Variants in PTPRG observed in about 807,000 individuals in gnomAD.
PTPRG encodes the protein protein tyrosine phosphatase receptor type G, also known as receptor-type tyrosine-protein phosphatase gamma.
Under a neutral mutation model 165.3 loss-of-function variants are expected in PTPRG, and 102 were observed. That is an observed-to-expected ratio of 0.62 (90% CI 0.53 to 0.73). The LOEUF (loss-of-function observed/expected upper bound fraction) is 0.73. Among genes scored for constraint, PTPRG ranks in the 30% least tolerant of loss-of-function variants. The pLI is 0.00. For synonymous variants in PTPRG, 675 were observed against 669.5 expected (o/e 1.01, Z -0.13); for missense variants, 1,866 against 1,861.4 (o/e 1.00, Z -0.05).
intron 5 of PTPRG, among the ~76,000 whole-genome samples, chr3:62,112,666 A>T (rs1471782120): frequency 6.6e-6 from 1 of 152,218 alleles, no homozygotes; most frequent in African/African-American, 2.4e-5. Flanking sequence ...TGGGCATTAG[A>T]GGCAGGGACT....
chr3:61,999,235 C>T (rs1459642819), intron 3 of PTPRG, among the ~76,000 whole-genome samples: 4 of 152,220 alleles, frequency 2.6e-5, no homozygotes, highest in East Asian at 1.9e-4. Context: ...TTAGTAGAGA[C>T]GTGATTTCAC....
At chr3:61,691,035 A>C (rs1217481300) in intron 1 of PTPRG, among the ~76,000 whole-genome samples, 1 of 152,212 alleles carries the variant, frequency 6.6e-6, no homozygotes. Flanking sequence ...GCACGCCATC[A>C]ATGTGGAATA....
intron 12 of PTPRG, among the ~76,000 whole-genome samples, chr3:62,216,846 G>A (rs1480622295): frequency 2.6e-5 from 4 of 152,114 alleles, no homozygotes; most frequent in Non-Finnish European, 5.9e-5. Context: ...AACTCCCACT[G>A]ATTTGATGGT....
chr3:61,929,327 T>A (rs2039302749), intron 2 of PTPRG, among the ~76,000 whole-genome samples: 1 of 150,490 alleles, frequency 6.6e-6, no homozygotes. Context: ...TACTGAAGAA[T>A]TATGTTTAAA....
intron 6 of PTPRG, among the ~76,000 whole-genome samples, chr3:62,156,753 AT>A (rs561001835): frequency 3.5e-4 from 54 of 152,272 alleles, no homozygotes; most frequent in African/African-American, 9.4e-4. Flanking sequence ...CTTCTCAGAG[AT>A]TTTGGTATGC....
In PTPRG at chr3:61,652,683, C is replaced by T. The variant is rs188931405; in HGVS notation, c.85+90311C>T. 2.6e-5 allele frequency among the ~76,000 whole-genome samples: 4 copies of T among 152,314 alleles called. No individual in the cohort carries two copies. In the East Asian group the frequency reaches 7.7e-4, roughly 29 times the overall value. On this transcript the variant is annotated intron_variant, in intron 1 of 29. Coordinates refer to ENST00000474889, the MANE Select transcript of PTPRG (RefSeq NM_002841.4). Reference sequence around the variant, plus strand: ...TTTAAACAGGGATTCTCAACCTTAGCACTAGTGGTATTTTTGGGCCCCGAT... The same window carrying T: ...TTTAAACAGGGATTCTCAACCTTAGTACTAGTGGTATTTTTGGGCCCCGAT...
intron 15 of PTPRG, among the ~76,000 whole-genome samples, chr3:62,248,544 C>G (rs1390546787): frequency 6.6e-6 from 1 of 152,084 alleles, no homozygotes; most frequent in African/African-American, 2.4e-5. Flanking sequence ...TTATAAAAAT[C>G]TAGTGACTCA....
chr3:62,068,628 A>G (rs1246004992), intron 4 of PTPRG, among the ~76,000 whole-genome samples: 1 of 152,148 alleles, frequency 6.6e-6, no homozygotes, highest in African/African-American at 2.4e-5. Flanking sequence ...GGTCTATGCT[A>G]TCATGCCCAG....
rs1405322249 is a variant in PTPRG, at chr3:62,229,446, A to G, written c.2289-1779A>G. Among the ~76,000 whole-genome samples the G allele has an allele frequency of 6.6e-6, 1 of 152,228 alleles. No homozygotes were observed. The highest frequency in any genetic ancestry group is 1.5e-5 in the Non-Finnish European group (1 of 68,044). On this transcript the variant is annotated intron_variant, in intron 13 of 29. Transcript: ENST00000474889. The surrounding 1 kb of genome is among the most constrained non-coding windows in gnomAD (Gnocchi z 4.6). ...TGAGATGCCAGTGGAAGCTCTTGGA[A>G]CAAGCTAACACATAGTCATTAGACA...
chr3:62,111,960 G>T (rs116223020), intron 5 of PTPRG, among the ~76,000 whole-genome samples: 15 of 152,222 alleles, frequency 9.9e-5, no homozygotes, highest in Non-Finnish European at 1.8e-4. Flanking sequence ...CATTCTTAAG[G>T]ACTTGAATGA....
At chr3:61,881,927 C>G (rs1391289437) in intron 2 of PTPRG, among the ~76,000 whole-genome samples, 2 of 152,186 alleles carry the variant, frequency 1.3e-5, no homozygotes, top group East Asian at 3.8e-4. Context: ...TCCTGCCCAA[C>G]TCTTTCAGTT....
chr3:62,261,855 G>A (rs1476491281), intron 16 of PTPRG: 1 of 151,968 alleles, frequency 6.6e-6, no homozygotes, highest in Non-Finnish European at 1.5e-5. Flanking sequence ...AAATACTATG[G>A]AAAACATGCA....
At chr3:61,802,114 C>CA (rs1195984789) in intron 2 of PTPRG, among the ~76,000 whole-genome samples, 2 of 151,866 alleles carry the variant, frequency 1.3e-5, no homozygotes, top group African/African-American at 4.8e-5. Flanking sequence ...ATCTTAGCAC[C>CA]AAGATACATG....
chr3:62,282,944 G>A (rs4434140), intron 28 of PTPRG, 75 bp downstream of exon 28: 1 of 1,426,338 alleles, frequency 7.0e-7, no homozygotes, highest in Non-Finnish European at 9.6e-7. Context: ...AGTAGAAAAG[G>A]AAGCCAGAAT....
At chr3:61,935,665 G>T (rs11915035) in intron 2 of PTPRG, among the ~76,000 whole-genome samples, 53,276 of 148,290 alleles carry the variant, frequency 0.36, 10,926 homozygotes, top group African/African-American at 0.56. Context: ...TTTTTTAATC[G>T]TATTCTTATT....
chr3:61,970,583 CTT>C (rs1464552571), intron 2 of PTPRG, among the ~76,000 whole-genome samples: 1 of 152,056 alleles, frequency 6.6e-6, no homozygotes, highest in Non-Finnish European at 1.5e-5. Flanking sequence ...GGAAGAAACT[CTT>C]TGGGATTAGA....
chr3:62,052,896 C>A (rs1700508831), intron 4 of PTPRG, among the ~76,000 whole-genome samples: 1 of 152,112 alleles, frequency 6.6e-6, no homozygotes, highest in South Asian at 2.1e-4. Context: ...TTGATAATTG[C>A]CTTCTTTCTG....
chr3:62,275,935 A>C lies in PTPRG; in HGVS notation c.3528A>C (p.Lys1176Asn). ...TCAGTGCTCAGAAAGAGTGTAACAA[A>C]GAAAAGAACAGAAACTCTTCAGTTG... ...ECFSAQKECN[K>N]EKNRNSSVVP... is the part of the protein sequence containing the mutation. The change falls in exon 24 of 30, where the codon AAA (lysine) becomes AAC (asparagine). Residue 1176 changes from lysine to asparagine, a missense_variant. Around this residue, in one of 3 missense-constraint regions of PTPRG, gnomAD observed 1,452 missense variants for 1,463.0 expected, o/e 0.99. Coordinates refer to ENST00000474889, the MANE Select transcript of PTPRG (RefSeq NM_002841.4). The C allele has an allele frequency of 6.2e-7, 1 of 1,611,294 alleles. No homozygotes were observed. The highest frequency in any genetic ancestry group is 8.5e-7 in the Non-Finnish European group (1 of 1,177,862).
At chr3:62,110,995 T>C (rs1004342900) in intron 5 of PTPRG, among the ~76,000 whole-genome samples, 6 of 152,182 alleles carry the variant, frequency 3.9e-5, no homozygotes, top group African/African-American at 1.4e-4. Flanking sequence ...TGTCATTGTT[T>C]TAGAGATTGT....
Sources: allele counts gnomAD v4.1 joint callset (sites outside exome capture counted in the v4.1 genomes callset), GRCh38; gene constraint gnomAD v4.1.1; regional missense constraint gnomAD v4.1.1; non-coding constraint Gnocchi (gnomAD v3.1); transcripts MANE v1.5; gene names NCBI Gene and HGNC (gene_info 2026-07-23, HGNC 2026-07-21).